Variants in MAPK8 observed in about 807,000 individuals in gnomAD.
The protein encoded by MAPK8 is mitogen-activated protein kinase 8.
Under a neutral mutation model 52.9 loss-of-function variants are expected in MAPK8, and 13 were observed. That is an observed-to-expected ratio of 0.25 (90% CI 0.16 to 0.39). The LOEUF (loss-of-function observed/expected upper bound fraction) is 0.39. Ranked by LOEUF, MAPK8 falls within the 10% of genes least tolerant of loss-of-function variation. MAPK8 has a pLI of 1.00. For synonymous variants in MAPK8, 191 were observed against 169.8 expected (o/e 1.12, Z -0.97); for missense variants, 300 against 519.2 (o/e 0.58, Z 4.10).
intron 10 of MAPK8, chr10:48,430,895 A>C (rs2044174434): frequency 2.5e-6 from 1 of 406,384 alleles, no homozygotes; most frequent in Non-Finnish European, 4.5e-6. Flanking sequence ...GTGCTGTAGC[A>C]CAAGTTGCTG....
In MAPK8 at chr10:48,408,425, G is replaced by A. The variant is rs565637750; in HGVS notation, c.253-1454G>A. On this transcript the variant is annotated intron_variant, in intron 3 of 11. Coordinates refer to ENST00000374189, the MANE Select transcript of MAPK8 (RefSeq NM_001323329.2). ...ACCTGGAAGATAATTAAGTTGAGTA[G>A]ATAAATGACAAGCATAGGGAATAGT... Among the ~76,000 whole-genome samples the A allele has an allele frequency of 3.9e-5, 6 of 152,280 alleles. No individual in the cohort carries two copies. The South Asian group carries it at 1.0e-3, about 26-fold the overall frequency.
chr10:48,330,463 A>C (rs1313552352), intron 1 of MAPK8, among the ~76,000 whole-genome samples: 1 of 152,340 alleles, frequency 6.6e-6, no homozygotes, highest in South Asian at 2.1e-4. Context: ...ACTGTATAGA[A>C]GCAAATGAGA....
intron 10 of MAPK8, chr10:48,427,460 A>G (rs1488718465): frequency 3.7e-6 from 1 of 271,290 alleles, no homozygotes; most frequent in Non-Finnish European, 7.2e-6. Context: ...ATGGTTGTGT[A>G]CGGTGTATGC....
intron 3 of MAPK8, among the ~76,000 whole-genome samples, chr10:48,407,553 C>A (rs1282789416): frequency 2.0e-5 from 3 of 151,958 alleles, no homozygotes; most frequent in African/African-American, 7.3e-5. Flanking sequence ...CCTTTATTTC[C>A]CTTTTTGAAA....
At chr10:48,353,209 G>T (rs1055241405) in intron 1 of MAPK8, among the ~76,000 whole-genome samples, 1 of 152,094 alleles carries the variant, frequency 6.6e-6, no homozygotes, top group South Asian at 2.1e-4. Context: ...ATTTCAGCAG[G>T]TTCTTTTTGT....
At chr10:48,342,191 C>T (rs1845356866) in intron 1 of MAPK8, among the ~76,000 whole-genome samples, 1 of 152,200 alleles carries the variant, frequency 6.6e-6, no homozygotes, top group Non-Finnish European at 1.5e-5. Flanking sequence ...ACAGCCTCAA[C>T]TTCCCAGGCT....
intron 10 of MAPK8, chr10:48,429,891 AT>A (rs1006895441): frequency 6.6e-6 from 1 of 152,098 alleles, no homozygotes; most frequent in African/African-American, 2.4e-5. Flanking sequence ...TCGATGCAAT[AT>A]TTTTTGTTTG....
At chr10:48,429,096 A>G (rs550094450) in intron 10 of MAPK8, among the ~76,000 whole-genome samples, 1 of 151,684 alleles carries the variant, frequency 6.6e-6, no homozygotes, top group African/African-American at 2.4e-5. Context: ...TGCTGGGATT[A>G]TAAGTCTTAA....
chr10:48,413,818 TATATATATATATATA>T (rs2042899688), intron 5 of MAPK8, among the ~76,000 whole-genome samples: 5 of 58,934 alleles, frequency 8.5e-5, no homozygotes, highest in African/African-American at 3.3e-4. Flanking sequence ...AGAATTGTTA[TATATATATATATATA>T]TATATATATA....
intron 1 of MAPK8, among the ~76,000 whole-genome samples, chr10:48,389,995 G>T (rs549361776): frequency 1.3e-5 from 2 of 152,258 alleles, no homozygotes; most frequent in Non-Finnish European, 2.9e-5. Flanking sequence ...GAAGACCCTG[G>T]ATAGCTGATG....
chr10:48,337,889 G>C (rs1190902371), intron 1 of MAPK8, among the ~76,000 whole-genome samples: 1 of 151,344 alleles, frequency 6.6e-6, no homozygotes, highest in Non-Finnish European at 1.5e-5. Flanking sequence ...CCTTCCAAGA[G>C]TGAACCAGGA....
chr10:48,329,671 A>G, intron 1 of MAPK8, among the ~76,000 whole-genome samples: 1 of 152,222 alleles, frequency 6.6e-6, no homozygotes, highest in East Asian at 1.9e-4. Flanking sequence ...TGCTGGAACT[A>G]CAGAGGAAGA....
At chr10:48,388,807 G>C (rs771362115) in intron 1 of MAPK8, among the ~76,000 whole-genome samples, 14 of 152,118 alleles carry the variant, frequency 9.2e-5, no homozygotes, top group South Asian at 6.2e-4. Flanking sequence ...ACAATGCTCA[G>C]ACCTAGGCTG....
At chr10:48,429,189 T>C (rs1367323729) in intron 10 of MAPK8, among the ~76,000 whole-genome samples, 1 of 152,074 alleles carries the variant, frequency 6.6e-6, no homozygotes, top group African/African-American at 2.4e-5. Flanking sequence ...AGACTCTTAA[T>C]AGGCCAGCAG....
chr10:48,390,263 T>C (rs769365875), intron 1 of MAPK8, among the ~76,000 whole-genome samples: 1 of 152,196 alleles, frequency 6.6e-6, no homozygotes, highest in Non-Finnish European at 1.5e-5. Flanking sequence ...CTCAGTCTGT[T>C]TATTTATATA....
chr10:48,349,083 C>G (rs561511873), intron 1 of MAPK8, among the ~76,000 whole-genome samples: 1 of 152,030 alleles, frequency 6.6e-6, no homozygotes, highest in Non-Finnish European at 1.5e-5. Flanking sequence ...GCTAACTCTC[C>G]TAAATATATA....
intron 1 of MAPK8, among the ~76,000 whole-genome samples, chr10:48,357,536 A>G (rs1408721934): frequency 2.0e-5 from 3 of 152,046 alleles, no homozygotes. Flanking sequence ...AGCTGGGACT[A>G]TAGATACATG....
intron 1 of MAPK8, chr10:48,307,055 C>CGCCTGCCGCCGCGAGCCCCGCCCGCCT (rs1417532686): frequency 6.6e-6 from 1 of 151,882 alleles, no homozygotes; most frequent in African/African-American, 2.4e-5. Context: ...CCCGCCAGCC[C>CGCCTGCCGCCGCGAGCCCCGCCCGCCT]GCCTGCCGCC....
intron 3 of MAPK8, among the ~76,000 whole-genome samples, chr10:48,407,329 A>G (rs1434461701): frequency 1.3e-5 from 2 of 152,222 alleles, no homozygotes; most frequent in Non-Finnish European, 2.9e-5. Flanking sequence ...AACATTTTGT[A>G]AAATGCCATT....
Sources: allele counts gnomAD v4.1 joint callset (sites outside exome capture counted in the v4.1 genomes callset), GRCh38; gene constraint gnomAD v4.1.1; transcripts MANE v1.5; gene names NCBI Gene and HGNC (gene_info 2026-07-23, HGNC 2026-07-21).